The following ZNF254 variants were observed in gnomAD, a reference collection of about 807,000 sequenced individuals.
The protein encoded by ZNF254 is CTD-2017D11.1.
In ZNF254, 10 loss-of-function variants were observed where a neutral mutation model predicts 12.4. The ratio of observed to expected loss-of-function variants is 0.80; its 90% CI spans 0.50 to 1.36. ZNF254 has a LOEUF of 1.36. ZNF254 is among the 40% of genes most tolerant of loss of function. The pLI is 0.00. For missense variants in ZNF254, 996 were observed against 763.9 expected (o/e 1.30, Z -3.58); for synonymous variants, 305 against 253.4 (o/e 1.20, Z -1.93).
intron 1 of ZNF254, among the ~76,000 whole-genome samples, chr19:24,102,041 G>GCA (rs1205443646): frequency 3.9e-5 from 6 of 152,142 alleles, no homozygotes; most frequent in Admixed American, 2.0e-4. Flanking sequence ...AATAGATGAC[G>GCA]CAGTCATGGT....
In ZNF254 at chr19:24,128,435, T is replaced by C. The variant is rs1975044753; in HGVS notation, c.*455T>C. 1.3e-5 allele frequency: 2 copies of C among 153,502 alleles called. No individual in the cohort carries two copies. Among genetic ancestry groups the C allele is most frequent in the South Asian group, 2.1e-4 (1 of 4,854 alleles). The allele number at this position is 153,502 out of a possible 1,614,324, so 9.5% of individuals were successfully genotyped here. On this transcript the variant is annotated 3_prime_UTR_variant, in exon 4 of 4. Coordinates refer to ENST00000357002, the MANE Select transcript of ZNF254 (RefSeq NM_203282.4). Reference sequence around the variant, plus strand: ...TATGTCTTTAAAGTATAGAAGAGCATTTATTTTGAAAAAAACATTACACAT... The same window carrying C: ...TATGTCTTTAAAGTATAGAAGAGCACTTATTTTGAAAAAAACATTACACAT...
At position 24,126,620 on chromosome 19, in the gene ZNF254, A is replaced by G. The variant is rs749498841; in HGVS notation, c.620A>G (p.Glu207Gly). Residue 207 changes from glutamate (E) to glycine (G), a missense_variant, in exon 4 of 4, where the codon GAG becomes GGG. Physicochemically the swap from Glu to Gly is moderately conservative, Grantham distance 98. Transcript: ENST00000357002. Reference protein sequence around the residue: ...KTQHKSIYHREKSYKCKECGK... With the variant: ...KTQHKSIYHRGKSYKCKECGK... ...CAACACAAAAGCATTTATCATAGAG[A>G]GAAGTCCTACAAATGTAAAGAATGT... 2 of 1,608,718 alleles carry G rather than the reference A, an allele frequency of 1.2e-6. No homozygotes were observed. Among genetic ancestry groups the G allele is most frequent in the Admixed American group, 1.7e-5 (1 of 58,752 alleles).
intron 2 of ZNF254, chr19:24,067,008 G>T (rs1971300318): frequency 6.6e-6 from 1 of 152,146 alleles, no homozygotes; most frequent in South Asian, 2.1e-4. Context: ...GAAGAATTGT[G>T]ACCTTTCACA....
At chr19:24,113,868 A>G (rs964025463) in intron 3 of ZNF254, among the ~76,000 whole-genome samples, 1 of 152,226 alleles carries the variant, frequency 6.6e-6, no homozygotes, top group Non-Finnish European at 1.5e-5. Flanking sequence ...TACAACAATC[A>G]CAAGCATTCT....
chr19:24,045,537 C>T (rs548783679), intron 1 of ZNF254, among the ~76,000 whole-genome samples: 5 of 151,844 alleles, frequency 3.3e-5, no homozygotes, highest in South Asian at 4.2e-4. Flanking sequence ...GGCGTGGTGG[C>T]GGCGTCTGTA....
At chr19:24,117,022 C>T (rs888528404) in intron 3 of ZNF254, among the ~76,000 whole-genome samples, 3 of 152,084 alleles carry the variant, frequency 2.0e-5, no homozygotes, top group African/African-American at 4.8e-5. Context: ...TTTCGTGAAC[C>T]GCGAATACTG....
chr19:24,099,722 G>C (rs976892404), intron 1 of ZNF254, among the ~76,000 whole-genome samples: 2 of 152,154 alleles, frequency 1.3e-5, no homozygotes, highest in Non-Finnish European at 2.9e-5. Context: ...GCATGGTGCT[G>C]TAAATTCTTC....
chr19:24,125,413 CTT>C (rs1417660777), intron 3 of ZNF254, among the ~76,000 whole-genome samples: 1 of 151,004 alleles, frequency 6.6e-6, no homozygotes, highest in Non-Finnish European at 1.5e-5. Context: ...ATGTATACAT[CTT>C]TTTTATGATT....
rs752423714 is a variant in ZNF254, at chr19:24,127,049, A to G, written c.1049A>G (p.Tyr350Cys). ...HKRMHTGEKP[Y>C]KCEECGKAFS... ...AGGATGCACACTGGAGAGAAACCCT[A>G]CAAATGTGAAGAATGTGGCAAAGCT... The change falls in exon 4 of 4, where the codon TAC becomes TGC. Residue 350 changes from tyrosine (Y) to cysteine (C), a missense_variant. By Grantham distance (194) the Tyr-to-Cys change is radical. Transcript: ENST00000357002. 8 of 1,613,714 alleles carry G rather than the reference A, an allele frequency of 5.0e-6. No individual in the cohort carries two copies. In the African/African-American group the frequency reaches 5.3e-5, roughly 11 times the overall value.
At chr19:24,106,691 T>C in intron 3 of ZNF254, 48 bp downstream of exon 3, 1 of 1,457,354 alleles carries the variant, frequency 6.9e-7, no homozygotes, top group South Asian at 1.2e-5. Context: ...AGGTCCAAAG[T>C]CAAGAAGAAA....
intron 1 of ZNF254, among the ~76,000 whole-genome samples, chr19:24,087,938 CAG>C (rs991919935): frequency 1.6e-5 from 2 of 126,778 alleles, no homozygotes; most frequent in African/African-American, 5.8e-5. Flanking sequence ...TTTTTTGAGA[CAG>C]AGTCTCACTT....
At chr19:24,084,993 C>A (rs566577210), upstream of ZNF254, among the ~76,000 whole-genome samples, 168 of 144,440 alleles carry the variant, frequency 1.2e-3, no homozygotes, top group Non-Finnish European at 1.9e-3. Flanking sequence ...AGTGCAGTGA[C>A]CTGATCTTGG....
chr19:24,115,000 G>C (rs1377461130), intron 3 of ZNF254, among the ~76,000 whole-genome samples: 16 of 152,396 alleles, frequency 1.0e-4, no homozygotes. Context: ...AGTTAGAATG[G>C]CAATCATTAA....
At chr19:24,083,215 A>G (rs1423607127), upstream of ZNF254, among the ~76,000 whole-genome samples, 1 of 152,182 alleles carries the variant, frequency 6.6e-6, no homozygotes, top group Non-Finnish European at 1.5e-5. Flanking sequence ...CTTTTAAAGC[A>G]GCTGCAAAAA....
At chr19:24,052,144 A>G (rs1261459680) in intron 2 of ZNF254, among the ~76,000 whole-genome samples, 1 of 152,190 alleles carries the variant, frequency 6.6e-6, no homozygotes, top group African/African-American at 2.4e-5. Context: ...GCTTTGCCCA[A>G]GCAGGGATTG....
At chr19:24,046,674 C>T (rs577145999) in intron 2 of ZNF254, among the ~76,000 whole-genome samples, 1 of 152,024 alleles carries the variant, frequency 6.6e-6, no homozygotes, top group African/African-American at 2.4e-5. Flanking sequence ...CTGAGAGTCA[C>T]AATGTGAACA....
At chr19:24,047,596 C>CTTTTTT (rs386388790) in intron 2 of ZNF254, among the ~76,000 whole-genome samples, 2 of 107,964 alleles carry the variant, frequency 1.9e-5, no homozygotes, top group East Asian at 2.7e-4. Context: ...TTCATTCTTC[C>CTTTTTT]TTTTTTTTTT....
chr19:24,090,065 G>C (rs1972277521), intron 1 of ZNF254, among the ~76,000 whole-genome samples: 2 of 151,564 alleles, frequency 1.3e-5, no homozygotes, highest in Admixed American at 1.3e-4. Context: ...GGGTGTAGTG[G>C]TACAGGCCTG....
rs1974990142 is a variant in ZNF254 at position 24,127,683 on chromosome 19, TACTA to T, written c.1686_1689del (p.Asn563IlefsTer31). ...AAGCCTTTAAGCAGTCTTCAATCCT[TACTA>T]ACCATAAGAGAATTCATACTGGAGA... On this transcript the variant is annotated frameshift_variant, in exon 4 of 4. Transcript: ENST00000357002. LOFTEE classifies it low-confidence loss of function (END_TRUNC). 1 of 1,612,898 alleles carries T rather than the reference TACTA, an allele frequency of 6.2e-7. No individual in the cohort carries two copies. Among genetic ancestry groups the T allele is most frequent in the African/African-American group, 1.3e-5 (1 of 74,820 alleles).
Sources: allele counts gnomAD v4.1 joint callset (sites outside exome capture counted in the v4.1 genomes callset), GRCh38; gene constraint gnomAD v4.1.1; transcripts MANE v1.5; gene names NCBI Gene and HGNC (gene_info 2026-07-23, HGNC 2026-07-21).